SMAP1: variants seen among roughly 807,000 people sequenced by gnomAD.
SMAP1 encodes the protein stromal membrane-associated protein 1.
SMAP1 carries 24 observed loss-of-function variants against 58.5 expected under a neutral mutation model. The observed-to-expected ratio is 0.41, with a 90% CI of 0.30 to 0.58. SMAP1 has a LOEUF of 0.58. SMAP1 is among the 20% of genes least tolerant of loss of function. The pLI is 0.29. For missense variants in SMAP1, 563 were observed against 566.3 expected, an observed-to-expected ratio of 0.99 and a Z score of 0.06; for synonymous variants, 216 against 196.6, an observed-to-expected ratio of 1.10 and a Z score of -0.82.
At chr6:70,748,249 C>A (rs1312138256) in intron 2 of SMAP1, among the ~76,000 whole-genome samples, 4 of 152,076 alleles carry the variant, frequency 2.6e-5, no homozygotes, top group Non-Finnish European at 2.9e-5. Flanking sequence ...TAAAAATATT[C>A]ATTTTTCTTT....
intron 6 of SMAP1, among the ~76,000 whole-genome samples, chr6:70,825,109 G>A (rs1200124589): frequency 6.6e-6 from 1 of 152,210 alleles, no homozygotes; most frequent in Non-Finnish European, 1.5e-5. Flanking sequence ...TGTACAGCAA[G>A]GAACAGTGGG....
intron 6 of SMAP1, among the ~76,000 whole-genome samples, chr6:70,825,356 A>G (rs1471015418): frequency 6.6e-6 from 1 of 152,150 alleles, no homozygotes; most frequent in East Asian, 1.9e-4. Context: ...TGGGGTTAAA[A>G]ACTCAGGTGT....
chr6:70,775,009 CAAAAA>C (rs71538441), intron 4 of SMAP1, among the ~76,000 whole-genome samples: 2 of 119,274 alleles, frequency 1.7e-5, no homozygotes, highest in African/African-American at 6.4e-5. Flanking sequence ...GATTCTGTGT[CAAAAA>C]AAAAAAAAAA....
chr6:70,762,967 A>G (rs1562141602), intron 3 of SMAP1, among the ~76,000 whole-genome samples: 1 of 152,052 alleles, frequency 6.6e-6, no homozygotes, highest in African/African-American at 2.4e-5. Context: ...AGATGTTAGT[A>G]TTGTATTCAA....
rs571433983 is a variant in SMAP1 at position 70,770,476 on chromosome 6, C to T, written c.339-2874C>T. On this transcript the variant is annotated intron_variant, in intron 3 of 10. Coordinates refer to ENST00000370455, the MANE Select transcript of SMAP1 (RefSeq NM_001044305.3). The stretch of plus-strand genomic sequence containing the variant: ...TTTATTCTTTTTTCTCTAAACTTCC[C>T]TTCTCGCTTCATTTCATTCATTTCG... Among the ~76,000 whole-genome samples the T allele has an allele frequency of 1.1e-3, 164 of 152,214 alleles. 1 individual carries two copies. Among genetic ancestry groups the T allele is most frequent in the East Asian group, 6.4e-3 (33 of 5,164 alleles).
intron 7 of SMAP1, among the ~76,000 whole-genome samples, chr6:70,842,602 C>T (rs1319789650): frequency 1.3e-5 from 2 of 152,172 alleles, no homozygotes; most frequent in African/African-American, 4.8e-5. Context: ...AAATTGACCT[C>T]TGAATGAGGC....
intron 6 of SMAP1, among the ~76,000 whole-genome samples, chr6:70,831,931 A>G (rs1478788918): frequency 6.6e-6 from 1 of 152,092 alleles, no homozygotes; most frequent in Non-Finnish European, 1.5e-5. Flanking sequence ...AGCATCTGTT[A>G]TTTTTTAAAT....
intron 1 of SMAP1, among the ~76,000 whole-genome samples, chr6:70,724,306 C>T (rs910505940): frequency 6.6e-6 from 1 of 151,942 alleles, no homozygotes; most frequent in African/African-American, 2.4e-5. Context: ...AAGCAATTCT[C>T]CTGCCTCAGC....
intron 4 of SMAP1, among the ~76,000 whole-genome samples, chr6:70,787,047 C>G (rs967225646): frequency 1.3e-5 from 2 of 152,166 alleles, no homozygotes; most frequent in Admixed American, 1.3e-4. Flanking sequence ...TGACTTCAAA[C>G]TATACTACAA....
intron 1 of SMAP1, among the ~76,000 whole-genome samples, chr6:70,728,663 T>C (rs1302467736): frequency 6.6e-6 from 1 of 152,222 alleles, no homozygotes; most frequent in Non-Finnish European, 1.5e-5. Context: ...ATGCCTATTG[T>C]GGCACATTCT....
intron 1 of SMAP1, among the ~76,000 whole-genome samples, chr6:70,717,575 T>G (rs1029265054): frequency 2.6e-5 from 4 of 152,214 alleles, no homozygotes; most frequent in African/African-American, 9.6e-5. Context: ...TTGCCCCATG[T>G]ATAGGAGACT....
intron 5 of SMAP1, among the ~76,000 whole-genome samples, chr6:70,795,363 T>C (rs1049899963): frequency 6.6e-6 from 1 of 152,160 alleles, no homozygotes; most frequent in African/African-American, 2.4e-5. Flanking sequence ...ATAGATTGAG[T>C]AGCTTATAAA....
At chr6:70,729,489 G>GTGTGTA (rs899179002) in intron 1 of SMAP1, among the ~76,000 whole-genome samples, 7 of 150,758 alleles carry the variant, frequency 4.6e-5, no homozygotes, top group Admixed American at 1.3e-4. Context: ...GTGTGTGTGT[G>GTGTGTA]TGTGTATGTG....
intron 4 of SMAP1, among the ~76,000 whole-genome samples, chr6:70,776,324 AG>A (rs1219397671): frequency 6.6e-6 from 1 of 152,140 alleles, no homozygotes; most frequent in East Asian, 1.9e-4. Flanking sequence ...CTGGGACTAC[AG>A]GCGTGCTACC....
At chr6:70,686,055 A>G (rs190740801) in intron 1 of SMAP1, among the ~76,000 whole-genome samples, 154 of 152,284 alleles carry the variant, frequency 1.0e-3, no homozygotes, top group African/African-American at 3.7e-3. Context: ...GATGTATGCC[A>G]CCATCAGAGG....
chr6:70,687,752 C>T (rs887634566), intron 1 of SMAP1, among the ~76,000 whole-genome samples: 3 of 152,166 alleles, frequency 2.0e-5, no homozygotes, highest in Non-Finnish European at 4.4e-5. Context: ...AACCAAGATA[C>T]TGATGTTGAT....
chr6:70,836,882 T>A (rs1770610512), intron 6 of SMAP1, 59 bp from the exon 7 acceptor site: 1 of 1,387,870 alleles, frequency 7.2e-7, no homozygotes, highest in Non-Finnish European at 9.7e-7. Context: ...TAATTGGGGC[T>A]TAAAATCTTG....
intron 6 of SMAP1, among the ~76,000 whole-genome samples, chr6:70,809,729 G>T (rs766479281): frequency 6.6e-6 from 1 of 152,206 alleles, no homozygotes; most frequent in African/African-American, 2.4e-5. Context: ...GTATAGGTGA[G>T]TAAATGCAGC....
In SMAP1 at chr6:70,857,044, A is replaced by T. The variant is rs1771455340; in HGVS notation, c.961+14A>T. Reference sequence around the variant, plus strand: ...AAAGTACTCCTGGTAATGAATTTTGATATCTGCTTTCAGTGACATTACTAG... The same window carrying T: ...AAAGTACTCCTGGTAATGAATTTTGTTATCTGCTTTCAGTGACATTACTAG... On this transcript the variant is annotated intron_variant, in intron 9 of 10. Coordinates refer to ENST00000370455, the MANE Select transcript of SMAP1 (RefSeq NM_001044305.3). 1 of 1,589,038 alleles carries T rather than the reference A, an allele frequency of 6.3e-7. No homozygotes were observed. The highest frequency in any genetic ancestry group is 1.2e-5 in the South Asian group (1 of 86,536).
Sources: allele counts gnomAD v4.1 joint callset (sites outside exome capture counted in the v4.1 genomes callset), GRCh38; gene constraint gnomAD v4.1.1; transcripts MANE v1.5; gene names NCBI Gene and HGNC (gene_info 2026-07-23, HGNC 2026-07-21).